ZMYM4: variants seen among roughly 807,000 people sequenced by gnomAD.
ZMYM4 encodes zinc finger MYM-type protein 4.
ZMYM4 carries 31 observed loss-of-function variants against 183.2 expected under a neutral mutation model. The observed-to-expected ratio is 0.17, with a 90% confidence interval of 0.13 to 0.23. The LOEUF (loss-of-function observed/expected upper bound fraction) is 0.23, where lower values mean the gene tolerates loss of function less well. Ranked by LOEUF, ZMYM4 falls within the 10% of genes least tolerant of loss-of-function variation. ZMYM4 has a pLI of 1.00. For missense variants in ZMYM4, 1,273 were observed against 1,840.3 expected, an observed-to-expected ratio of 0.69 and a Z score of 5.64; for synonymous variants, 592 against 631.2, an observed-to-expected ratio of 0.94 and a Z score of 0.93.
At chr1:35,283,546 C>A (rs1365999192) in intron 1 of ZMYM4, among the ~76,000 whole-genome samples, 4 of 151,410 alleles carry the variant, frequency 2.6e-5, no homozygotes, top group Admixed American at 2.6e-4. Flanking sequence ...ACCATGTTAG[C>A]CAGGATAGTC....
At chr1:35,343,359 G>A (rs11264138) in intron 2 of ZMYM4, among the ~76,000 whole-genome samples, 3 of 152,000 alleles carry the variant, frequency 2.0e-5, no homozygotes, top group Non-Finnish European at 4.4e-5. Flanking sequence ...TCTGTATGTA[G>A]TGTAAAATAA....
intron 1 of ZMYM4, among the ~76,000 whole-genome samples, chr1:35,312,812 C>T (rs1641862784): frequency 6.6e-6 from 1 of 151,976 alleles, no homozygotes; most frequent in South Asian, 2.1e-4. Context: ...CCTCCGCCTC[C>T]CAGGTTCAAG....
intron 1 of ZMYM4, among the ~76,000 whole-genome samples, chr1:35,288,191 G>A (rs757070663): frequency 3.3e-5 from 5 of 152,088 alleles, no homozygotes; most frequent in Non-Finnish European, 7.4e-5. Flanking sequence ...TACTCATTTT[G>A]CATGTTTTGT....
Position 35,407,663 on chromosome 1 carries a change from C to G in ZMYM4, c.3797-345C>G, listed in dbSNP as rs141951827. Among the ~76,000 whole-genome samples the G allele has an allele frequency of 3.9e-5, 6 of 152,256 alleles. No individual in the cohort carries two copies. The East Asian group carries it at 1.2e-3, about 29-fold the overall frequency. ...TTTTGTGTATCCTCAGATTGGAATT[C>G]TTTACCTATCTACCTGTTTAACTCT... On this transcript the variant is annotated intron_variant, in intron 25 of 29. Coordinates refer to ENST00000314607, the MANE Select transcript of ZMYM4 (RefSeq NM_005095.3).
chr1:35,388,094 T>C (rs1644618783), intron 13 of ZMYM4, among the ~76,000 whole-genome samples: 1 of 152,252 alleles, frequency 6.6e-6, no homozygotes, highest in Non-Finnish European at 1.5e-5. Flanking sequence ...TCTAAAGCTG[T>C]ATTAGCCTTC....
At chr1:35,286,778 T>A (rs972709676) in intron 1 of ZMYM4, among the ~76,000 whole-genome samples, 186 of 63,320 alleles carry the variant, frequency 2.9e-3, no homozygotes, top group East Asian at 3.1e-3. Context: ...AATAATTTTT[T>A]TTTTTTTTTT....
intron 1 of ZMYM4, among the ~76,000 whole-genome samples, chr1:35,288,874 A>G (rs1640627525): frequency 6.6e-6 from 1 of 152,176 alleles, no homozygotes; most frequent in Non-Finnish European, 1.5e-5. Flanking sequence ...ATATCAGTTC[A>G]CTTTAGGAGA....
At chr1:35,306,762 T>C (rs1417351597) in intron 1 of ZMYM4, among the ~76,000 whole-genome samples, 3 of 152,236 alleles carry the variant, frequency 2.0e-5, no homozygotes, top group Non-Finnish European at 4.4e-5. Flanking sequence ...CCTCCTCTAC[T>C]AAAACTTTCT....
chr1:35,269,390 CATCTTTA>C (rs1639481854), intron 1 of ZMYM4, among the ~76,000 whole-genome samples: 1 of 26,342 alleles, frequency 3.8e-5, no homozygotes, highest in Non-Finnish European at 9.5e-4. Context: ...TTCTTAAGTG[CATCTTTA>C]GTGCATCTTT....
intron 1 of ZMYM4, among the ~76,000 whole-genome samples, chr1:35,289,177 T>C (rs1298132736): frequency 6.6e-6 from 1 of 152,158 alleles, no homozygotes; most frequent in African/African-American, 2.4e-5. Flanking sequence ...TCTGAGCATG[T>C]TGGTTTTTGT....
chr1:35,291,484 C>T (rs1258487207), intron 1 of ZMYM4, among the ~76,000 whole-genome samples: 2 of 151,968 alleles, frequency 1.3e-5, no homozygotes, highest in Non-Finnish European at 2.9e-5. Flanking sequence ...TCATATCTAA[C>T]TTCTGTGCCT....
At chr1:35,373,253 T>TATAC (rs1553175814) in intron 7 of ZMYM4, among the ~76,000 whole-genome samples, 30 of 150,240 alleles carry the variant, frequency 2.0e-4, no homozygotes, top group Non-Finnish European at 3.0e-4. Flanking sequence ...TATATATATA[T>TATAC]ACACACACAC....
chr1:35,317,057 G>C (rs1294526959), intron 1 of ZMYM4, among the ~76,000 whole-genome samples: 1 of 151,872 alleles, frequency 6.6e-6, no homozygotes, highest in Non-Finnish European at 1.5e-5. Context: ...GGGAGGTGGA[G>C]GTTGCAGTGA....
At chr1:35,323,484 A>T (rs746935268) in intron 1 of ZMYM4, among the ~76,000 whole-genome samples, 4 of 152,158 alleles carry the variant, frequency 2.6e-5, no homozygotes, top group Non-Finnish European at 5.9e-5. Flanking sequence ...CAGTGTAGGC[A>T]GATGCTTTCA....
At chr1:35,302,117 A>G (rs1489480607) in intron 1 of ZMYM4, among the ~76,000 whole-genome samples, 1 of 151,672 alleles carries the variant, frequency 6.6e-6, no homozygotes, top group Non-Finnish European at 1.5e-5. Flanking sequence ...CTCTAGAACA[A>G]GGGTCAACAA....
chr1:35,319,535 AT>A (rs1308289307), intron 1 of ZMYM4, among the ~76,000 whole-genome samples: 1 of 152,078 alleles, frequency 6.6e-6, no homozygotes, highest in African/African-American at 2.4e-5. Context: ...AGGTGGGAGG[AT>A]CCCTTGAGCT....
chr1:35,373,154 A>G (rs1286899594), intron 7 of ZMYM4, among the ~76,000 whole-genome samples: 2 of 151,816 alleles, frequency 1.3e-5, no homozygotes, highest in Middle Eastern at 3.2e-3. Context: ...GTGAGACTCT[A>G]TCTCAAAAAA....
Position 35,359,437 on chromosome 1 carries a change from G to T in ZMYM4, c.598G>T (p.Asp200Tyr). Residue 200 changes from aspartate (D) to tyrosine (Y), a missense_variant, in exon 3 of 30, where the codon GAT becomes TAT. Physicochemically the swap from Asp to Tyr is radical, Grantham distance 160 (BLOSUM62 -3). Transcript: ENST00000314607. ...TTCAAGGTTGAAAAGCAGTTTTTTT[G>T]ATAAAGCAGGTAATAATTGTTGGAC... ...LDSRLKSSFF[D>Y]KAANQVEETL... The T allele has an allele frequency of 6.4e-7, 1 of 1,557,130 alleles. No individual in the cohort carries two copies. Among genetic ancestry groups the T allele is most frequent in the South Asian group, 1.2e-5 (1 of 80,316 alleles).
chr1:35,305,457 T>TC (rs1467754676), intron 1 of ZMYM4, among the ~76,000 whole-genome samples: 1 of 152,100 alleles, frequency 6.6e-6, no homozygotes, highest in East Asian at 1.9e-4. Flanking sequence ...AGATTTTTTT[T>TC]CTCAGGTGAT....
Sources: gnomAD v4.1 joint callset for allele counts (sites outside exome capture counted in the v4.1 genomes callset) on GRCh38, gnomAD v4.1.1 for gene constraint, MANE v1.5 for transcripts, NCBI Gene and HGNC (gene_info 2026-07-23, HGNC 2026-07-21) for gene names.